LIPA: variants seen among roughly 807,000 people sequenced by gnomAD.
LIPA encodes lysosomal acid lipase/cholesteryl ester hydrolase.
LIPA carries 26 observed loss-of-function variants against 40.6 expected under a neutral mutation model. That is an observed-to-expected ratio of 0.64 (90% CI 0.47 to 0.89). The LOEUF (loss-of-function observed/expected upper bound fraction) is 0.89, where lower values mean the gene tolerates loss of function less well. Among genes scored for constraint, LIPA ranks in the 40% least tolerant of loss-of-function variants. LIPA has a pLI of 0.00. For missense variants in LIPA, 455 were observed against 479.6 expected, an observed-to-expected ratio of 0.95 and a Z score of 0.48; for synonymous variants, 188 against 168.4, an observed-to-expected ratio of 1.12 and a Z score of -0.90.
chr10:89,344,050 C>T (rs1251594713), upstream of LIPA, among the ~76,000 whole-genome samples: 1 of 152,198 alleles, frequency 6.6e-6, no homozygotes, highest in East Asian at 1.9e-4. Flanking sequence ...CACCTAACCT[C>T]TGTGACCCTA....
chr10:89,312,432 T>C (rs529599741), intron 1 of LIPA, among the ~76,000 whole-genome samples: 1 of 152,192 alleles, frequency 6.6e-6, no homozygotes, highest in East Asian at 1.9e-4. Flanking sequence ...CACAGTGAGA[T>C]GAGACCCTGT....
chr10:89,248,442 ATATTTATTTATTTAT>A (rs1301850140), intron 1 of LIPA, among the ~76,000 whole-genome samples: 34,691 of 136,278 alleles, frequency 0.25, 5,038 homozygotes, highest in South Asian at 0.4. Flanking sequence ...TTATTATTTT[ATATTTATTTATTTAT>A]TTATTTATTT....
At chr10:89,402,308 G>C in intron 2 of LIPA, 4 of 1,613,216 alleles carry the variant, frequency 2.5e-6, no homozygotes, top group Non-Finnish European at 3.4e-6. Context: ...ATCAGGTCAA[G>C]GATAGTCTGG....
intron 2 of LIPA, among the ~76,000 whole-genome samples, chr10:89,390,061 A>G (rs1487983946): frequency 7.3e-6 from 1 of 136,202 alleles, no homozygotes; most frequent in Non-Finnish European, 1.5e-5. Flanking sequence ...ATCTCGGCTC[A>G]CCACAACCTC....
At chr10:89,296,080 T>A (rs1397841112) in intron 1 of LIPA, among the ~76,000 whole-genome samples, 2 of 152,214 alleles carry the variant, frequency 1.3e-5, no homozygotes. Context: ...TATCCAATAG[T>A]TTTCTTGAAT....
intron 1 of LIPA, chr10:89,305,956 C>T (rs375215860): frequency 4.4e-6 from 7 of 1,598,320 alleles, no homozygotes; most frequent in Non-Finnish European, 6.0e-6. Flanking sequence ...GTGTTTTTCC[C>T]TACAGTGAGA....
upstream of LIPA, among the ~76,000 whole-genome samples, chr10:89,344,612 G>GA (rs5786866): frequency 8.4e-3 from 1,130 of 134,460 alleles, 2 homozygotes; most frequent in African/African-American, 0.018. Context: ...CATGCGGCAA[G>GA]AAAAAAAAAA....
chr10:89,325,518 T>C (rs1393880237), intron 1 of LIPA, among the ~76,000 whole-genome samples: 2 of 152,158 alleles, frequency 1.3e-5, no homozygotes, highest in Admixed American at 6.5e-5. Context: ...ATATACACCA[T>C]GGACTACTAT....
At chr10:89,251,128 G>A (rs1843113377) in intron 1 of LIPA, among the ~76,000 whole-genome samples, 2 of 152,214 alleles carry the variant, frequency 1.3e-5, no homozygotes, top group South Asian at 4.1e-4. Context: ...GCTCTTGCGA[G>A]GCGCCAGCCA....
chr10:89,414,349 TCAAACAAA>T (rs139368125), intron 1 of LIPA: 36 of 159,008 alleles, frequency 2.3e-4, no homozygotes, highest in East Asian at 1.6e-3. Context: ...AGACGCTATC[TCAAACAAA>T]CAAACAAACA....
chr10:89,335,703 T>C (rs1843727509), intron 1 of LIPA, among the ~76,000 whole-genome samples: 1 of 152,204 alleles, frequency 6.6e-6, no homozygotes, highest in Admixed American at 6.5e-5. Context: ...AGCTATTTTT[T>C]TCAGGCACCC....
chr10:89,339,144 G>A (rs370990505), intron 1 of LIPA: 90 of 1,613,974 alleles, frequency 5.6e-5, no homozygotes, highest in Non-Finnish European at 7.5e-5. Context: ...AGAAGGCTCT[G>A]GAAGAAAAGC....
rs538919004 is a variant in LIPA at position 89,291,329 on chromosome 10, C to A, written c.-1-43680G>T. 5.3e-4 allele frequency among the ~76,000 whole-genome samples: 80 copies of A among 152,224 alleles called. No individual in the cohort carries two copies. In the East Asian group the frequency reaches 7.1e-3, roughly 14 times the overall value. On this transcript the variant is annotated intron_variant, in intron 1 of 5. Transcript: ENST00000282673. ...TCATTTAAATAGTCAACGTGATCTA[C>A]AAGGTAGGAGACATAGCAACCCCCT...
At chr10:89,377,942 A>C in intron 2 of LIPA, 3 of 555,648 alleles carry the variant, frequency 5.4e-6, no homozygotes, top group Non-Finnish European at 6.5e-6. Context: ...AAGCAGAGAC[A>C]GCCCTATTCC....
At chr10:89,352,472 G>C (rs55742600) in intron 2 of LIPA, among the ~76,000 whole-genome samples, 1,736 of 152,150 alleles carry the variant, frequency 0.011, 28 homozygotes, top group African/African-American at 0.04. Flanking sequence ...ATAGCTTATC[G>C]AATATGTGTA....
chr10:89,255,264 C>T (rs1843175003), upstream of LIPA, among the ~76,000 whole-genome samples: 1 of 152,182 alleles, frequency 6.6e-6, no homozygotes, highest in African/African-American at 2.4e-5. Flanking sequence ...GGAGGCCTCA[C>T]AATCATGGCA....
chr10:89,349,173 A>T, intron 2 of LIPA, among the ~76,000 whole-genome samples: 1 of 152,182 alleles, frequency 6.6e-6, no homozygotes, highest in Non-Finnish European at 1.5e-5. Context: ...ATCAACCAGG[A>T]AGATTAAACT....
chr10:89,327,420 G>A (rs564211968), intron 1 of LIPA, among the ~76,000 whole-genome samples: 95 of 152,100 alleles, frequency 6.2e-4, no homozygotes, highest in African/African-American at 2.2e-3. Flanking sequence ...GCATGGTGGT[G>A]GGTGCCTGTA....
At chr10:89,232,210 T>C (rs1297330338) in intron 3 of LIPA, among the ~76,000 whole-genome samples, 1 of 152,208 alleles carries the variant, frequency 6.6e-6, no homozygotes, top group African/African-American at 2.4e-5. Flanking sequence ...CGCTGTACGA[T>C]GCAGTGGCTC....
Sources: gnomAD v4.1 joint callset for allele counts (sites outside exome capture counted in the v4.1 genomes callset) on GRCh38, gnomAD v4.1.1 for gene constraint, MANE v1.5 for transcripts, NCBI Gene and HGNC (gene_info 2026-07-23, HGNC 2026-07-21) for gene names.